RIF1: variants seen among roughly 807,000 people sequenced by gnomAD.
RIF1 encodes the protein replication timing regulatory factor 1, also known as telomere-associated protein RIF1.
In RIF1, 45 loss-of-function variants were observed where a neutral mutation model predicts 247.1. The ratio of observed to expected loss-of-function variants is 0.18; its 90% confidence interval spans 0.14 to 0.23. The LOEUF is 0.23. Ranked by LOEUF, RIF1 falls within the 10% of genes least tolerant of loss-of-function variation. The probability of loss-of-function intolerance (pLI) is 1.00; values close to 1 mark genes in which losing one functional copy is unlikely to be tolerated. For missense variants in RIF1, 2,967 were observed against 2,862.5 expected (o/e 1.04, Z -0.83); for synonymous variants, 1,087 against 978.8 (o/e 1.11, Z -2.06).
intron 11 of RIF1, among the ~76,000 whole-genome samples, chr2:151,502,304 C>T (rs2065241023): frequency 6.6e-6 from 1 of 151,944 alleles, no homozygotes; most frequent in African/African-American, 2.4e-5. Context: ...ACCAAAATCT[C>T]ACAAGTCACC....
chr2:151,519,011 G>C, the RIF1 span: 1 of 1,613,704 alleles, frequency 6.2e-7, no homozygotes, highest in South Asian at 1.1e-5. Context: ...CATGATCAGA[G>C]ACTCCTTCAT....
At chr2:151,506,908 C>T in intron 13 of RIF1, 1 of 1,581,190 alleles carries the variant, frequency 6.3e-7, no homozygotes, top group South Asian at 1.1e-5. Context: ...AGTAAATATA[C>T]CGAGCTGAAA....
At chr2:151,438,247 A>C (rs1691611380) in intron 13 of RIF1, among the ~76,000 whole-genome samples, 1 of 152,182 alleles carries the variant, frequency 6.6e-6, no homozygotes, top group Non-Finnish European at 1.5e-5. Context: ...GGAGAGGCTA[A>C]GGTGGGAGGT....
Position 151,493,338 on chromosome 2 carries a change from A to G in RIF1, c.*416-1891A>G. 2 of 1,571,838 alleles carry G rather than the reference A, an allele frequency of 1.3e-6. No individual in the cohort carries two copies. The highest frequency in any genetic ancestry group is 1.7e-6 in the Non-Finnish European group (2 of 1,143,106). On this transcript the variant is annotated intron_variant and NMD_transcript_variant, in intron 9 of 13. Transcript: ENST00000454583. ...CCAAGTTGTTGCACTATTTCTTTTT[A>G]GTCCTAGAAAATACCGAGCTAATGT...
chr2:151,434,970 A>G (rs1477265285), intron 10 of RIF1, among the ~76,000 whole-genome samples: 1 of 152,144 alleles, frequency 6.6e-6, no homozygotes. Flanking sequence ...TTAATTATTG[A>G]GTTTTAAATT....
intron 34 of RIF1, among the ~76,000 whole-genome samples, chr2:151,473,292 CTT>C (rs11305289): frequency 0.03 from 3,800 of 125,858 alleles, 93 homozygotes; most frequent in South Asian, 0.11. Context: ...AAATTGTATC[CTT>C]TTTTTTTTTT....
chr2:151,425,660 C>CTTTTTTTTTTTTTTTTT (rs34032157), intron 8 of RIF1, among the ~76,000 whole-genome samples: 1 of 83,688 alleles, frequency 1.2e-5, no homozygotes, highest in Non-Finnish European at 2.1e-5. Context: ...TTGTGGTACC[C>CTTTTTTTTTTTTTTTTT]TTTTTTTTTT....
At chr2:151,485,438 GA>G, downstream of RIF1, 1 of 207,080 alleles carries the variant, frequency 4.8e-6, no homozygotes, top group Non-Finnish European at 9.6e-6. Context: ...AATCAGCAAG[GA>G]AAAGGTGAAC....
chr2:151,430,505 A>G (rs1689900412), intron 9 of RIF1, among the ~76,000 whole-genome samples: 2 of 151,978 alleles, frequency 1.3e-5, no homozygotes, highest in Non-Finnish European at 2.9e-5. Flanking sequence ...TATTTTCAGT[A>G]GAGACAAGGT....
the RIF1 span, chr2:151,520,018 T>A: frequency 2.3e-3 from 633 of 275,816 alleles, 11 homozygotes; most frequent in East Asian, 0.026. Context: ...TAAAAAGTAA[T>A]CACCTCTTTC....
Position 151,492,254 on chromosome 2 carries a change from G to T in RIF1, c.*416-2975G>T, listed in dbSNP as rs1293615209. On this transcript the variant is annotated intron_variant and NMD_transcript_variant, in intron 9 of 13. Coordinates refer to the RIF1 transcript ENST00000454583. The stretch of plus-strand genomic sequence containing the variant: ...ACCACTGGTGTGAAGCAACCCTTGT[G>T]TTTCTCAAAGTCTTCATGATATTTC... 3 of 1,613,060 alleles carry T rather than the reference G, an allele frequency of 1.9e-6. No homozygotes were observed. In the East Asian group the frequency reaches 6.7e-5, roughly 36 times the overall value.
At chr2:151,516,657 A>G in the RIF1 span, 1 of 809,912 alleles carries the variant, frequency 1.2e-6, no homozygotes, top group East Asian at 2.7e-5. Flanking sequence ...TGTTCTGTCA[A>G]TTGGATGGCA....
At chr2:151,427,094 G>A (rs1451947996) in intron 8 of RIF1, among the ~76,000 whole-genome samples, 1 of 151,282 alleles carries the variant, frequency 6.6e-6, no homozygotes, top group Non-Finnish European at 1.5e-5. Flanking sequence ...TTTTGTTACC[G>A]GTTTATAGCC....
rs773777882 is a variant in RIF1, at chr2:151,464,520, T to C, written c.5000T>C (p.Leu1667Pro). The change falls in exon 30 of 36, where the codon CTA becomes CCA. Residue 1667 changes from leucine (L) to proline (P), a missense_variant. Physicochemically the swap from Leu to Pro is moderately conservative, Grantham distance 98. Transcript: ENST00000444746. ...TATGCAGAATATTCCTTTACAAGTCTACCTGTGCCAGAATCAAATCTAAGG... is the reference window on the plus strand; with the variant it reads ...TATGCAGAATATTCCTTTACAAGTCCACCTGTGCCAGAATCAAATCTAAGG... ...SKYAEYSFTS[L>P]PVPESNLRTR... is the part of the protein sequence containing the mutation. 4 of 1,611,696 alleles carry C rather than the reference T, an allele frequency of 2.5e-6. No individual in the cohort carries two copies. Among genetic ancestry groups the C allele is most frequent in the Non-Finnish European group, 3.4e-6 (4 of 1,179,254 alleles).
At chr2:151,435,601 T>C (rs193078268) in intron 11 of RIF1, 21 bp downstream of exon 11, 2 of 1,368,530 alleles carry the variant, frequency 1.5e-6, no homozygotes, top group African/African-American at 2.9e-5. Context: ...GATATTCTTG[T>C]TTTTTGCTTT....
At chr2:151,427,553 A>T in intron 8 of RIF1, among the ~76,000 whole-genome samples, 1 of 124,176 alleles carries the variant, frequency 8.1e-6, no homozygotes, top group Admixed American at 8.5e-5. Context: ...TTTTCTCCTG[A>T]GCTCATATTT....
the RIF1 span, chr2:151,514,995 A>G: frequency 1.0e-6 from 1 of 997,168 alleles, no homozygotes; most frequent in South Asian, 1.5e-5. Flanking sequence ...TCTCCATCTC[A>G]GGAAGAAAAA....
chr2:151,473,934 G>T (rs757627357), intron 34 of RIF1, 30 bp from the exon 35 acceptor site: 3 of 1,084,326 alleles, frequency 2.8e-6, no homozygotes, highest in Admixed American at 1.8e-5. Context: ...TTGTTGTTTT[G>T]CGTTTTTTTC....
the RIF1 span, among the ~76,000 whole-genome samples, chr2:151,523,857 A>C: frequency 6.6e-6 from 1 of 151,748 alleles, no homozygotes; most frequent in African/African-American, 2.4e-5. Flanking sequence ...CCTACTTCCT[A>C]GCCCGGGCAG....
Sources: gnomAD v4.1 joint callset for allele counts (sites outside exome capture counted in the v4.1 genomes callset) on GRCh38, gnomAD v4.1.1 for gene constraint, MANE v1.5 for transcripts, NCBI Gene and HGNC (gene_info 2026-07-23, HGNC 2026-07-21) for gene names.